Variants in WASL observed in about 807,000 individuals in gnomAD.
The protein encoded by WASL is actin nucleation-promoting factor WASL.
Under a neutral mutation model 55.5 loss-of-function variants are expected in WASL, and 20 were observed. The ratio of observed to expected loss-of-function variants is 0.36; its 90% CI spans 0.25 to 0.52. The LOEUF (loss-of-function observed/expected upper bound fraction) is 0.52. Ranked by LOEUF, WASL falls within the 20% of genes least tolerant of loss-of-function variation. The probability of loss-of-function intolerance (pLI) is 0.92; values close to 1 mark genes in which losing one functional copy is unlikely to be tolerated. For synonymous variants in WASL, 249 were observed against 217.6 expected, an observed-to-expected ratio of 1.14 and a Z score of -1.27; for missense variants, 504 against 622.5, an observed-to-expected ratio of 0.81 and a Z score of 2.03.
intron 1 of WASL, among the ~76,000 whole-genome samples, chr7:123,738,298 A>G (rs1263357386): frequency 6.6e-6 from 1 of 152,190 alleles, no homozygotes. Context: ...TTGCAGAACA[A>G]TATGTATACC....
At chr7:123,687,977 C>T (rs1803322341) in intron 10 of WASL, among the ~76,000 whole-genome samples, 1 of 152,140 alleles carries the variant, frequency 6.6e-6, no homozygotes, top group South Asian at 2.1e-4. Context: ...ATTTAATTCT[C>T]ACATCTATAT....
chr7:123,717,496 C>T (rs1008304878), intron 1 of WASL, among the ~76,000 whole-genome samples: 1 of 152,204 alleles, frequency 6.6e-6, no homozygotes, highest in Non-Finnish European at 1.5e-5. Flanking sequence ...TCTTGGACCA[C>T]ATGATGCATC....
chr7:123,706,230 T>G, intron 4 of WASL, 47 bp downstream of exon 4: 66 of 1,543,336 alleles, frequency 4.3e-5, no homozygotes, highest in Non-Finnish European at 5.4e-5. Context: ...ACTTGCCCCA[T>G]GAGCATTAGT....
rs564832273 is a variant in WASL at position 123,716,120 on chromosome 7, A to G, written c.118-6897T>C. On this transcript the variant is annotated intron_variant, in intron 1 of 10. Coordinates refer to ENST00000223023, the MANE Select transcript of WASL (RefSeq NM_003941.4). ...TGTTTCTTGCAAATTCAGTTGGATT[A>G]TGGTAAAACCTGAAATTTGGGTCTG... 5.9e-4 allele frequency among the ~76,000 whole-genome samples: 90 copies of G among 152,256 alleles called. 1 individual carries two copies. In the South Asian group the frequency reaches 0.018, roughly 31 times the overall value.
In WASL at chr7:123,683,178, G is replaced by A. The variant is rs1272995396; in HGVS notation, c.*1341C>T. 1 of 151,940 alleles carries A rather than the reference G, an allele frequency of 6.6e-6. No homozygotes were observed. The highest frequency in any genetic ancestry group is 1.5e-5 in the Non-Finnish European group (1 of 67,956). 9.4% of individuals were successfully genotyped at this position (151,940 alleles called of 1,614,324 possible). On this transcript the variant is annotated 3_prime_UTR_variant, in exon 11 of 11. Transcript: ENST00000223023. ...CTACATTATGCATATTACTCAATGTGAGAAAAATATGTTTGTATTTAAATC... is the reference window on the plus strand; with the variant it reads ...CTACATTATGCATATTACTCAATGTAAGAAAAATATGTTTGTATTTAAATC...
At position 123,709,153 on chromosome 7, in the gene WASL, C is replaced by T; in HGVS notation, c.188G>A (p.Gly63Asp). Residue 63 changes from glycine (G) to aspartate (D), a missense_variant, in exon 2 of 11, where the codon GGT becomes GAT. By Grantham distance (94) the Gly-to-Asp change is moderately conservative. Around this residue, in one of 5 missense-constraint regions of WASL, gnomAD observed 230 missense variants for 271.9 expected, o/e 0.85. Transcript: ENST00000223023. ...ATTGTCCTTAACAAGACAAGCAACA[C>T]CACTGCACTTCTTTGACCACATACA... ...RNCMWSKKCS[G>D]VACLVKDNPQ... The T allele has an allele frequency of 6.2e-7, 1 of 1,612,938 alleles. No homozygotes were observed. Among genetic ancestry groups the T allele is most frequent in the Non-Finnish European group, 8.5e-7 (1 of 1,179,314 alleles).
At position 123,682,599 on chromosome 7, in the gene WASL, G is replaced by C. The variant is rs1039448134; in HGVS notation, c.*1920C>G. 10 of 151,952 alleles carry C rather than the reference G, an allele frequency of 6.6e-5. No homozygotes were observed. Among genetic ancestry groups the C allele is most frequent in the African/African-American group, 2.4e-4 (10 of 41,360 alleles). The allele number at this position is 151,952 out of a possible 1,614,324, so 9.4% of individuals were successfully genotyped here. ...ACAAGTTAAGAGAGATCTTAAATTG[G>C]CATTACCCTGAAGACATTTCTAGGA... is the stretch of plus-strand genomic sequence containing the variant. On this transcript the variant is annotated 3_prime_UTR_variant, in exon 11 of 11. Transcript: ENST00000223023.
At chr7:123,735,497 TAAAATGTAG>T in intron 1 of WASL, among the ~76,000 whole-genome samples, 1 of 151,954 alleles carries the variant, frequency 6.6e-6, no homozygotes, top group Non-Finnish European at 1.5e-5. Flanking sequence ...CCATATATTT[TAAAATGTAG>T]CTAGCAGACA....
intron 1 of WASL, among the ~76,000 whole-genome samples, chr7:123,744,562 T>C (rs1276511813): frequency 6.6e-6 from 1 of 152,180 alleles, no homozygotes; most frequent in Non-Finnish European, 1.5e-5. Flanking sequence ...TAAAAATGGC[T>C]TAAGTATCAC....
In WASL at chr7:123,690,483, A is replaced by G. The variant is rs560932444; in HGVS notation, c.1348-1333T>C. ...TCAAAAAATAACGAACTCGGATTAC[A>G]TGTATAACATGCCAATAGTTCACTG... is the stretch of plus-strand genomic sequence containing the variant. On this transcript the variant is annotated intron_variant, in intron 9 of 10. Coordinates refer to ENST00000223023, the MANE Select transcript of WASL (RefSeq NM_003941.4). Among the ~76,000 whole-genome samples, 4 of 120,424 alleles carry G rather than the reference A, an allele frequency of 3.3e-5. No homozygotes were observed. The Admixed American group carries it at 3.4e-4, about 10-fold the overall frequency. 79.0% of individuals were successfully genotyped at this position (120,424 alleles called of 152,430 possible). A position where few individuals can be genotyped will look rare whatever the true frequency, so the allele number is the denominator to read the frequency against.
At chr7:123,746,366 C>G (rs1804431010) in intron 1 of WASL, among the ~76,000 whole-genome samples, 1 of 152,204 alleles carries the variant, frequency 6.6e-6, no homozygotes, top group Non-Finnish European at 1.5e-5. Context: ...AGGTAGAGCT[C>G]TGAGTACTGA....
intron 1 of WASL, among the ~76,000 whole-genome samples, chr7:123,742,723 A>G (rs1018300114): frequency 1.3e-5 from 2 of 152,212 alleles, no homozygotes; most frequent in African/African-American, 4.8e-5. Context: ...TAATTCTACT[A>G]CTAATGCTTT....
At chr7:123,710,952 A>T (rs1803744241) in intron 1 of WASL, among the ~76,000 whole-genome samples, 1 of 152,186 alleles carries the variant, frequency 6.6e-6, no homozygotes, top group African/African-American at 2.4e-5. Context: ...AGAATGCAAA[A>T]ATCAAACAAG....
intron 1 of WASL, among the ~76,000 whole-genome samples, chr7:123,724,068 C>T (rs1804000517): frequency 6.6e-6 from 1 of 152,102 alleles, no homozygotes; most frequent in Non-Finnish European, 1.5e-5. Context: ...TGTAATAGCT[C>T]CCCCTTCCCA....
At chr7:123,703,409 A>G (rs184016497) in intron 5 of WASL, among the ~76,000 whole-genome samples, 223 of 152,312 alleles carry the variant, frequency 1.5e-3, no homozygotes, top group African/African-American at 5.0e-3. Flanking sequence ...ATTAACTAGT[A>G]GTTGCTATTA....
chr7:123,700,985 G>C (rs1803580221), intron 5 of WASL, among the ~76,000 whole-genome samples: 1 of 152,144 alleles, frequency 6.6e-6, no homozygotes, highest in African/African-American at 2.4e-5. Flanking sequence ...ATTTACTTTA[G>C]AGTTTGAAGA....
In WASL at chr7:123,698,672, A is replaced by G. The variant is rs532553700; in HGVS notation, c.461-1925T>C. Among the ~76,000 whole-genome samples the G allele has an allele frequency of 3.3e-5, 5 of 152,332 alleles. No individual in the cohort carries two copies. The East Asian group carries it at 9.6e-4, about 29-fold the overall frequency. On this transcript the variant is annotated intron_variant, in intron 5 of 10. Transcript: ENST00000223023. ...AAATGAGAGCTAGTGAATAATATGG[A>G]TAAAATCATTAAAAGCTTTTTTAGT...
At chr7:123,747,946 T>A (rs566339772) in intron 1 of WASL, among the ~76,000 whole-genome samples, 80 of 151,740 alleles carry the variant, frequency 5.3e-4, no homozygotes, top group Non-Finnish European at 9.7e-4. Context: ...TGCGCATGGC[T>A]GCGGGGAGAG....
At position 123,692,525 on chromosome 7, in the gene WASL, C is replaced by A. The variant is rs1370698655; in HGVS notation, c.1169G>T (p.Gly390Val). 1.2e-6 allele frequency: 2 copies of A among 1,613,608 alleles called. No individual in the cohort carries two copies. Among genetic ancestry groups the A allele is most frequent in the Non-Finnish European group, 1.7e-6 (2 of 1,180,026 alleles). ...CTGATGGTCCCCATCAGAAGGCAGG[C>A]CAGGCGGGGGCGGTGGCCCAGGAGG... ...PPPPGPPPPP[G>V]LPSDGDHQVP... Residue 390 changes from glycine (G) to valine (V), a missense_variant, in exon 9 of 11, where the codon GGC becomes GTC. By Grantham distance (109) the Gly-to-Val change is moderately radical. Coordinates refer to ENST00000223023, the MANE Select transcript of WASL (RefSeq NM_003941.4).
Sources: allele counts gnomAD v4.1 joint callset (sites outside exome capture counted in the v4.1 genomes callset), GRCh38; gene constraint gnomAD v4.1.1; regional missense constraint gnomAD v4.1.1; transcripts MANE v1.5; gene names NCBI Gene and HGNC (gene_info 2026-07-23, HGNC 2026-07-21).